The following CNOT8 variants were observed in gnomAD, a reference collection of about 807,000 sequenced individuals.
The protein encoded by CNOT8 is CCR4-NOT transcription complex subunit 8, also known as CAF1-like protein.
Under a neutral mutation model 34.6 loss-of-function variants are expected in CNOT8, and 18 were observed. The observed-to-expected ratio is 0.52, with a 90% CI of 0.36 to 0.77. The LOEUF (loss-of-function observed/expected upper bound fraction) is 0.77, where lower values mean the gene tolerates loss of function less well. CNOT8 is among the 30% of genes least tolerant of loss of function. The pLI, the probability that CNOT8 is intolerant of heterozygous loss-of-function variation, is 0.00. For missense variants in CNOT8, 189 were observed against 347.9 expected (o/e 0.54, Z 3.63); for synonymous variants, 101 against 118.8 (o/e 0.85, Z 0.98).
At chr5:154,863,062 CTCCA>C (rs1761506738) in intron 1 of CNOT8, 141 bp from the exon 2 acceptor site, 1 of 453,752 alleles carries the variant, frequency 2.2e-6, no homozygotes, top group Non-Finnish European at 4.1e-6. Context: ...GACAAAGTTT[CTCCA>C]TCATATAAAA....
At position 154,876,687 on chromosome 5, in the gene CNOT8, A is replaced by AATG. The variant is rs2113428850; in HGVS notation, c.*1251_*1253dup. Reference sequence around the variant, plus strand: ...AAAGCTTATGGGAAACTCAATTTGAAATGATTAGAAAATGTCAAGTATTAT... The same window carrying AATG: ...AAAGCTTATGGGAAACTCAATTTGAAATGATGATTAGAAAATGTCAAGTATTAT... On this transcript the variant is annotated 3_prime_UTR_variant, in exon 7 of 7. Transcript: ENST00000285896. 6.5e-6 allele frequency: 1 copy of AATG among 152,674 alleles called. No homozygotes were observed. Among genetic ancestry groups the AATG allele is most frequent in the East Asian group, 1.9e-4 (1 of 5,204 alleles). 9.5% of individuals were successfully genotyped at this position (152,674 alleles called of 1,614,324 possible). A position where few individuals can be genotyped will look rare whatever the true frequency, so the allele number is the denominator to read the frequency against.
intron 3 of CNOT8, among the ~76,000 whole-genome samples, chr5:154,867,203 G>A (rs1477967133): frequency 1.3e-5 from 2 of 152,124 alleles, no homozygotes; most frequent in African/African-American, 4.8e-5. Flanking sequence ...TATCTTTAGA[G>A]TGGAATATTA....
chr5:154,866,497 G>A (rs114494038), intron 3 of CNOT8, among the ~76,000 whole-genome samples: 2 of 152,096 alleles, frequency 1.3e-5, no homozygotes, highest in South Asian at 4.1e-4. Flanking sequence ...TCCTTTAACT[G>A]CATTTTTTAG....
chr5:154,871,501 A>G (rs992613348), intron 4 of CNOT8, among the ~76,000 whole-genome samples: 3 of 146,550 alleles, frequency 2.0e-5, no homozygotes, highest in Non-Finnish European at 4.5e-5. Flanking sequence ...TGAAGGTTGC[A>G]GTGAGCCGAG....
At chr5:154,869,921 C>T (rs1762305671) in intron 3 of CNOT8, among the ~76,000 whole-genome samples, 1 of 152,020 alleles carries the variant, frequency 6.6e-6, no homozygotes, top group African/African-American at 2.4e-5. Flanking sequence ...CCACGCCTGG[C>T]CTAATTTTTG....
intron 3 of CNOT8, chr5:154,867,799 A>G (rs890124481): frequency 1.1e-5 from 2 of 177,650 alleles, no homozygotes; most frequent in Non-Finnish European, 2.5e-5. Context: ...CGAGGTAAAG[A>G]GAAAAAAAAT....
intron 1 of CNOT8, among the ~76,000 whole-genome samples, chr5:154,860,646 C>T (rs1761246054): frequency 6.6e-6 from 1 of 152,084 alleles, no homozygotes; most frequent in South Asian, 2.1e-4. Flanking sequence ...TATTTTTTGG[C>T]CAGCATATGC....
At chr5:154,870,169 G>T (rs532479434) in intron 3 of CNOT8, among the ~76,000 whole-genome samples, 1 of 151,960 alleles carries the variant, frequency 6.6e-6, no homozygotes, top group East Asian at 1.9e-4. Flanking sequence ...TCAGCCTCCG[G>T]AGTAGTTAGA....
rs199732823 is a variant in CNOT8, at chr5:154,875,326, T to C, written c.766T>C (p.Cys256Arg). 7.8e-5 allele frequency: 126 copies of C among 1,614,050 alleles called. No homozygotes were observed. Among genetic ancestry groups the C allele is most frequent in the Non-Finnish European group, 1.0e-4 (119 of 1,180,046 alleles). The part of the protein sequence containing the change: ...FEDSIDDAKY[C>R]GRLYGLGTGV... ...GGACAGCATTGATGATGCCAAGTAC[T>C]GTGGGCGGCTCTATGGCTTAGGCAC... The change falls in exon 7 of 7, where the codon TGT (cysteine) becomes CGT (arginine). Residue 256 changes from cysteine to arginine, a missense_variant. This residue lies in a region of CNOT8 where 160 missense variants were observed against 321.9 expected (regional missense o/e 0.50). Coordinates refer to ENST00000285896, the MANE Select transcript of CNOT8 (RefSeq NM_001301073.2).
At chr5:154,874,788 G>A (rs927148126) in intron 6 of CNOT8, among the ~76,000 whole-genome samples, 15 of 151,824 alleles carry the variant, frequency 9.9e-5, no homozygotes, top group Admixed American at 9.2e-4. Flanking sequence ...CTGCCTTGGC[G>A]CCCCAAAGTG....
In CNOT8 at chr5:154,871,794, GA is replaced by G; in HGVS notation, c.540del (p.Glu180AspfsTer6). ...TDSRLPEEEHEFFHILNLFFP... is the reference protein window; with the variant it reads ...TDSRLPEEEHXFFHILNLFFP... Reference sequence around the variant, plus strand: ...TTCTCGTTTGCCAGAAGAGGAACATGAATTCTTTCATATTCTGAACCTTTTC... The same window carrying G: ...TTCTCGTTTGCCAGAAGAGGAACATGATTCTTTCATATTCTGAACCTTTTC... On this transcript the variant is annotated frameshift_variant, in exon 5 of 7. Coordinates refer to ENST00000285896, the MANE Select transcript of CNOT8 (RefSeq NM_001301073.2). LOFTEE classifies it high-confidence loss of function. 1 of 1,613,802 alleles carries G rather than the reference GA, an allele frequency of 6.2e-7. No individual in the cohort carries two copies. The highest frequency in any genetic ancestry group is 1.1e-5 in the South Asian group (1 of 91,058).
At chr5:154,868,574 C>T (rs534526858) in intron 3 of CNOT8, among the ~76,000 whole-genome samples, 23 of 152,256 alleles carry the variant, frequency 1.5e-4, no homozygotes, top group South Asian at 6.2e-4. Context: ...GACCTATTTA[C>T]TTCATAAGAA....
At position 154,875,718 on chromosome 5, in the gene CNOT8, T is replaced by A. The variant is rs1762881097; in HGVS notation, c.*279T>A. 1 of 323,608 alleles carries A rather than the reference T, an allele frequency of 3.1e-6. No homozygotes were observed. Among genetic ancestry groups the A allele is most frequent in the African/African-American group, 2.1e-5 (1 of 46,678 alleles). 20.0% of individuals were successfully genotyped at this position (323,608 alleles called of 1,614,324 possible). On this transcript the variant is annotated 3_prime_UTR_variant, in exon 7 of 7. Coordinates refer to ENST00000285896, the MANE Select transcript of CNOT8 (RefSeq NM_001301073.2). ...CCTGCCACCAGCATCCATGGCTCAT[T>A]TGACACCTTTTTAAATATCAGGACA...
intron 3 of CNOT8, among the ~76,000 whole-genome samples, chr5:154,870,224 G>C (rs1037497843): frequency 6.6e-6 from 1 of 150,868 alleles, no homozygotes; most frequent in African/African-American, 2.5e-5. Flanking sequence ...TTGTTTGTGT[G>C]TGTGTGTGTG....
In CNOT8 at chr5:154,866,480, G is replaced by A. The variant is rs185943026; in HGVS notation, c.311+1095G>A. On this transcript the variant is annotated intron_variant, in intron 3 of 6. Transcript: ENST00000285896. ...TTCAAGTAATTTTGGGAGATCATCT[G>A]GATCTTTCCTTTAACTGCATTTTTT... Among the ~76,000 whole-genome samples the A allele has an allele frequency of 3.9e-5, 6 of 152,258 alleles. No homozygotes were observed. The East Asian group carries it at 1.2e-3, about 29-fold the overall frequency.
At chr5:154,865,470 A>AG (rs1761776831) in intron 3 of CNOT8, 85 bp downstream of exon 3, 1 of 827,452 alleles carries the variant, frequency 1.2e-6, no homozygotes, top group African/African-American at 1.8e-5. Context: ...GGTCAAGCAG[A>AG]GGACGGAACA....
At chr5:154,869,036 G>A (rs991791086) in intron 3 of CNOT8, among the ~76,000 whole-genome samples, 4 of 152,188 alleles carry the variant, frequency 2.6e-5, no homozygotes, top group Non-Finnish European at 4.4e-5. Context: ...CTGAGTCTGA[G>A]GCAAGCAGCC....
At chr5:154,865,048 A>G in intron 2 of CNOT8, 144 bp from the exon 3 acceptor site, 1 of 716,514 alleles carries the variant, frequency 1.4e-6, no homozygotes. Context: ...CCTATCTCAA[A>G]AAAACACAAA....
intron 3 of CNOT8, among the ~76,000 whole-genome samples, chr5:154,869,781 C>T (rs1412634812): frequency 2.6e-5 from 4 of 151,782 alleles, no homozygotes; most frequent in Admixed American, 6.6e-5. Context: ...TGCGCCACCA[C>T]GCCCAGCTAA....
Sources: gnomAD v4.1 joint callset for allele counts (sites outside exome capture counted in the v4.1 genomes callset) on GRCh38, gnomAD v4.1.1 for gene constraint, gnomAD v4.1.1 regional missense constraint, MANE v1.5 for transcripts, NCBI Gene and HGNC (gene_info 2026-07-23, HGNC 2026-07-21) for gene names.